The following PCNT variants were observed in gnomAD, a reference collection of about 807,000 sequenced individuals.
PCNT encodes the protein kendrin.
PCNT carries 319 observed loss-of-function variants against 380.4 expected under a neutral mutation model. The ratio of observed to expected loss-of-function variants is 0.84; its 90% CI spans 0.77 to 0.92. The LOEUF is 0.92. Ranked by LOEUF, PCNT falls within the 40% of genes least tolerant of loss-of-function variation. The pLI is 0.00. For missense variants in PCNT, 4,400 were observed against 4,255.3 expected, an observed-to-expected ratio of 1.03 and a Z score of -0.95; for synonymous variants, 1,845 against 1,735.2, an observed-to-expected ratio of 1.06 and a Z score of -1.57.
chr21:46,443,689 C>G, intron 44 of PCNT, 121 bp from the exon 45 acceptor site: 2 of 958,240 alleles, frequency 2.1e-6, no homozygotes, highest in South Asian at 1.3e-5. Context: ...TTAAAAATGT[C>G]TTAAAATTGC....
Position 46,422,133 on chromosome 21 carries a change from G to C in PCNT, c.7179+9G>C, listed in dbSNP as rs1346045117. 2 of 1,613,100 alleles carry C rather than the reference G, an allele frequency of 1.2e-6. No homozygotes were observed. The highest frequency in any genetic ancestry group is 1.7e-6 in the Non-Finnish European group (2 of 1,179,980). Reference sequence around the variant, plus strand: ...GTCCGAAGCACGTGAAGGTATGGCTGGCAGGGGCGGCCCTCACAGCTTCAC... The same window carrying C: ...GTCCGAAGCACGTGAAGGTATGGCTCGCAGGGGCGGCCCTCACAGCTTCAC... On this transcript the variant is annotated intron_variant, in intron 32 of 46. Coordinates refer to ENST00000359568, the MANE Select transcript of PCNT (RefSeq NM_006031.6).
chr21:46,389,130 T>C, intron 18 of PCNT, 69 bp from the exon 19 acceptor site: 1 of 1,489,902 alleles, frequency 6.7e-7, no homozygotes, highest in Non-Finnish European at 9.3e-7. Flanking sequence ...TTCCTTGTCG[T>C]CTTGGCTGCC....
chr21:46,361,345 C>T (rs1426152228), intron 13 of PCNT, among the ~76,000 whole-genome samples: 2 of 152,240 alleles, frequency 1.3e-5, no homozygotes, highest in Non-Finnish European at 2.9e-5. Flanking sequence ...GAGCCACAAT[C>T]ACGCCACTGC....
intron 27 of PCNT, among the ~76,000 whole-genome samples, chr21:46,407,412 G>GCTCCCTGCAACCTCCGC (rs1569263954): frequency 2.8e-5 from 4 of 144,268 alleles, no homozygotes; most frequent in Admixed American, 1.4e-4. Flanking sequence ...CGCGATCTCG[G>GCTCCCTGCAACCTCCGC]CTCCCTGCAA....
intron 21 of PCNT, 147 bp downstream of exon 21, chr21:46,391,523 G>A (rs2086033049): frequency 2.8e-6 from 2 of 703,188 alleles, no homozygotes; most frequent in African/African-American, 1.8e-5. Flanking sequence ...CTGGGCATGG[G>A]AAGCTTGTGC....
At chr21:46,390,516 CT>C (rs1045284949) in intron 19 of PCNT, among the ~76,000 whole-genome samples, 153 bp from the exon 20 acceptor site, 25 of 151,896 alleles carry the variant, frequency 1.6e-4, no homozygotes, top group African/African-American at 5.8e-4. Context: ...CGGAGGGTGG[CT>C]GAGATGTGCT....
chr21:46,350,071 C>T lies in PCNT; in HGVS notation c.1344+251C>T, dbSNP rs553597554. On this transcript the variant is annotated intron_variant, in intron 8 of 46. Coordinates refer to ENST00000359568, the MANE Select transcript of PCNT (RefSeq NM_006031.6). The stretch of plus-strand genomic sequence containing the variant: ...GTGGGCATCTGTAATCCCAGCTACT[C>T]GGGAGGCTGAGGCACGAGAATCGCT... Among the ~76,000 whole-genome samples, 214 of 152,128 alleles carry T rather than the reference C, an allele frequency of 1.4e-3. 1 individual carries two copies. The highest frequency in any genetic ancestry group is 2.5e-3 in the Non-Finnish European group (173 of 68,000).
chr21:46,346,595 C>T, intron 4 of PCNT, 148 bp from the exon 5 acceptor site: 1 of 977,086 alleles, frequency 1.0e-6, no homozygotes, highest in Admixed American at 2.1e-5. Context: ...GGCATCCGGG[C>T]CTCTGTGTCC....
chr21:46,388,746 G>A lies in PCNT; in HGVS notation c.3469G>A (p.Ala1157Thr), dbSNP rs778900170. The change falls in exon 18 of 47, where the codon GCC becomes ACC. Residue 1157 changes from alanine to threonine, a missense_variant. Physicochemically the swap from Ala to Thr is moderately conservative, Grantham distance 58 (BLOSUM62 0). Transcript: ENST00000359568. This position sits in a 1 kb window ranked among gnomAD's most constrained non-coding sequence, Gnocchi z 4.2. ...DVNLSHSERGALQDALRRLLG... is the reference protein window; with the variant it reads ...DVNLSHSERGTLQDALRRLLG... ...GATGGGTGTCTCCTGTCTCAGAGGGGCCCTCCAGGACGCCCTGCGCAGGCT... is the reference window on the plus strand; with the variant it reads ...GATGGGTGTCTCCTGTCTCAGAGGGACCCTCCAGGACGCCCTGCGCAGGCT... 6.2e-7 allele frequency: 1 copy of A among 1,613,784 alleles called. No individual in the cohort carries two copies. Among genetic ancestry groups the A allele is most frequent in the Non-Finnish European group, 8.5e-7 (1 of 1,179,980 alleles).
intron 35 of PCNT, 116 bp downstream of exon 35, chr21:46,428,706 C>T (rs1387251972): frequency 2.2e-6 from 2 of 921,514 alleles, no homozygotes; most frequent in Non-Finnish European, 3.4e-6. Context: ...AGTCAAGCCC[C>T]TGAGTGTTGC....
At chr21:46,431,075 G>C (rs144667745) in intron 37 of PCNT, 1 of 985,492 alleles carries the variant, frequency 1.0e-6, no homozygotes, top group East Asian at 1.1e-4. Context: ...AGTTCCATGG[G>C]TTATGGCTTT....
At chr21:46,375,126 T>C (rs1044111277) in intron 15 of PCNT, among the ~76,000 whole-genome samples, 1 of 152,152 alleles carries the variant, frequency 6.6e-6, no homozygotes, top group Non-Finnish European at 1.5e-5. Context: ...TTGATTTCTT[T>C]TTGATAGAAG....
chr21:46,363,408 G>T (rs1186611493), intron 13 of PCNT, 72 bp from the exon 14 acceptor site: 10 of 1,228,450 alleles, frequency 8.1e-6, no homozygotes, highest in Non-Finnish European at 1.2e-5. Context: ...TCAGAGGTGG[G>T]TTTGGGTTGT....
intron 19 of PCNT, among the ~76,000 whole-genome samples, chr21:46,389,786 A>G (rs138612666): frequency 1.6e-4 from 25 of 152,384 alleles, no homozygotes; most frequent in African/African-American, 6.0e-4. Flanking sequence ...GAAAGCAATC[A>G]AAGATCTTTT....
chr21:46,355,303 G>A (rs1033325192), intron 11 of PCNT, 149 bp from the exon 12 acceptor site: 10 of 811,370 alleles, frequency 1.2e-5, no homozygotes, highest in Admixed American at 3.6e-5. Flanking sequence ...GTGGGCTGGC[G>A]GGGTTCACCA....
chr21:46,444,572 C>T (rs2053700292), intron 45 of PCNT, 122 bp from the exon 46 acceptor site: 6 of 1,030,488 alleles, frequency 5.8e-6, no homozygotes, highest in Admixed American at 2.1e-5. Context: ...TCACCCATCC[C>T]CACGGGTCTG....
chr21:46,399,985 TC>T (rs2086367402), intron 25 of PCNT, among the ~76,000 whole-genome samples, 189 bp downstream of exon 25: 1 of 152,228 alleles, frequency 6.6e-6, no homozygotes, highest in Non-Finnish European at 1.5e-5. Context: ...CTTTGACCTT[TC>T]TGGAGATTGT....
rs1555953206 is a variant in PCNT at position 46,351,477 on chromosome 21, G to A, written c.1393G>A (p.Glu465Lys). 5 of 1,613,640 alleles carry A rather than the reference G, an allele frequency of 3.1e-6. No individual in the cohort carries two copies. Among genetic ancestry groups the A allele is most frequent in the Middle Eastern group, 1.7e-4 (1 of 6,058 alleles). The change falls in exon 9 of 47, where the codon GAA (glutamate) becomes AAA (lysine). Residue 465 changes from glutamate (E) to lysine (K), a missense_variant. Physicochemically the swap from Glu to Lys is moderately conservative, Grantham distance 56. Coordinates refer to ENST00000359568, the MANE Select transcript of PCNT (RefSeq NM_006031.6). ...TGAAGACCTGAAGGCACAATCACAAGAAGAGATCAGGCGCTTGTGGTCCCA... is the reference window on the plus strand; with the variant it reads ...TGAAGACCTGAAGGCACAATCACAAAAAGAGATCAGGCGCTTGTGGTCCCA... Reference protein sequence around the residue: ...SYEDLKAQSQEEIRRLWSQLD... With the variant: ...SYEDLKAQSQKEIRRLWSQLD...
At chr21:46,437,865 C>T (rs193225167) in intron 40 of PCNT, among the ~76,000 whole-genome samples, 3 of 152,306 alleles carry the variant, frequency 2.0e-5, no homozygotes, top group African/African-American at 7.2e-5. Context: ...TTTTGAGGGG[C>T]TTCACATCCG....
Sources: gnomAD v4.1 joint callset for allele counts (sites outside exome capture counted in the v4.1 genomes callset) on GRCh38, gnomAD v4.1.1 for gene constraint, Gnocchi (gnomAD v3.1) non-coding constraint, MANE v1.5 for transcripts, NCBI Gene and HGNC (gene_info 2026-07-23, HGNC 2026-07-21) for gene names.